Variants in DLG1 observed in about 807,000 individuals in gnomAD.
The protein encoded by DLG1 is disks large homolog 1.
Under a neutral mutation model 123.4 loss-of-function variants are expected in DLG1, and 42 were observed. The observed-to-expected ratio is 0.34, with a 90% CI of 0.27 to 0.44. The LOEUF (loss-of-function observed/expected upper bound fraction) is 0.44. Among genes scored for constraint, DLG1 ranks in the 20% least tolerant of loss-of-function variants. The pLI, the probability that DLG1 is intolerant of heterozygous loss-of-function variation, is 1.00. For missense variants in DLG1, 942 were observed against 1,082.6 expected, an observed-to-expected ratio of 0.87 and a Z score of 1.82; for synonymous variants, 317 against 356.2, an observed-to-expected ratio of 0.89 and a Z score of 1.24.
intron 4 of DLG1, among the ~76,000 whole-genome samples, chr3:197,211,198 C>CA (rs2150400545): frequency 6.8e-6 from 1 of 146,134 alleles, no homozygotes; most frequent in Admixed American, 6.9e-5. Flanking sequence ...GAAAACCCTA[C>CA]AGCTAACAGA....
chr3:197,072,544 A>G (rs1195688272), intron 18 of DLG1, among the ~76,000 whole-genome samples: 1 of 152,048 alleles, frequency 6.6e-6, no homozygotes, highest in Non-Finnish European at 1.5e-5. Flanking sequence ...TTATCTTCTG[A>G]GCACTCTTGC....
intron 4 of DLG1, among the ~76,000 whole-genome samples, chr3:197,250,275 GA>G (rs1405237308): frequency 6.6e-6 from 1 of 152,110 alleles, no homozygotes; most frequent in Non-Finnish European, 1.5e-5. Flanking sequence ...AATCTGAAAA[GA>G]AATTTAAAAA....
At chr3:197,262,832 G>A (rs1025394773) in intron 4 of DLG1, among the ~76,000 whole-genome samples, 5 of 151,980 alleles carry the variant, frequency 3.3e-5, no homozygotes, top group Non-Finnish European at 7.4e-5. Context: ...GAGAGCAGAG[G>A]GAAAAAATGG....
chr3:197,125,027 T>A (rs1046217883), intron 11 of DLG1, among the ~76,000 whole-genome samples: 3 of 152,130 alleles, frequency 2.0e-5, no homozygotes, highest in African/African-American at 7.2e-5. Context: ...GACCTGGTTT[T>A]CAACAGGAAC....
intron 5 of DLG1, among the ~76,000 whole-genome samples, chr3:197,164,136 A>G (rs1310420903): frequency 6.6e-6 from 1 of 152,038 alleles, no homozygotes; most frequent in Non-Finnish European, 1.5e-5. Context: ...TCACACCTGT[A>G]ATCTCAGCAC....
At chr3:197,198,402 G>A (rs942802856) in intron 4 of DLG1, among the ~76,000 whole-genome samples, 2 of 149,354 alleles carry the variant, frequency 1.3e-5, no homozygotes, top group Admixed American at 6.7e-5. Context: ...GCAGAGAATC[G>A]TTTGAAGCCG....
chr3:197,118,403 T>TTA (rs1774458536), intron 12 of DLG1, among the ~76,000 whole-genome samples: 1 of 152,168 alleles, frequency 6.6e-6, no homozygotes, highest in Non-Finnish European at 1.5e-5. Flanking sequence ...TTCTGCTAAT[T>TTA]TTCATCCCAA....
At position 197,067,708 on chromosome 3, in the gene DLG1, C is replaced by T. The variant is rs1740654754; in HGVS notation, c.2048-954G>A. 3.3e-5 allele frequency among the ~76,000 whole-genome samples: 5 copies of T among 152,038 alleles called. No individual in the cohort carries two copies. The South Asian group carries it at 1.0e-3, about 32-fold the overall frequency. ...AAGTAGCTGGGATTACAGGCATGTG[C>T]CATCATGCCCAGCTAATTTTGTATT... On this transcript the variant is annotated intron_variant, in intron 19 of 24. Coordinates refer to ENST00000667157, the MANE Select transcript of DLG1 (RefSeq NM_001366207.1).
At chr3:197,105,710 C>T (rs1765967338) in intron 13 of DLG1, among the ~76,000 whole-genome samples, 1 of 152,048 alleles carries the variant, frequency 6.6e-6, no homozygotes. Flanking sequence ...CGCATATATA[C>T]ATATATAGTG....
At chr3:197,110,725 C>T (rs760773319) in intron 13 of DLG1, among the ~76,000 whole-genome samples, 17 of 152,122 alleles carry the variant, frequency 1.1e-4, no homozygotes, top group Non-Finnish European at 1.8e-4. Flanking sequence ...TGTGTGGCCA[C>T]TGAGGTCTCT....
intron 4 of DLG1, among the ~76,000 whole-genome samples, chr3:197,204,127 G>A (rs1727299075): frequency 6.6e-6 from 1 of 152,202 alleles, no homozygotes; most frequent in Non-Finnish European, 1.5e-5. Context: ...TGCTCAGTCT[G>A]CTCCCATGTA....
chr3:197,226,365 G>T (rs950779871), intron 4 of DLG1: 1 of 152,088 alleles, frequency 6.6e-6, no homozygotes, highest in African/African-American at 2.4e-5. Context: ...GATACAACTC[G>T]AGCAGAGCCA....
At position 197,140,136 on chromosome 3, in the gene DLG1, A is replaced by C. The variant is rs755524196; in HGVS notation, c.713+4T>G. On this transcript the variant is annotated splice_donor_region_variant and intron_variant, in intron 8 of 24. Coordinates refer to ENST00000667157, the MANE Select transcript of DLG1 (RefSeq NM_001366207.1). ...AGCATCACAATAAAAAGCGCAAAAC[A>C]TACCGCAATCTTCCATCTTGGGCGG... is the stretch of plus-strand genomic sequence containing the variant. The C allele has an allele frequency of 6.2e-7, 1 of 1,612,570 alleles. No individual in the cohort carries two copies. Among genetic ancestry groups the C allele is most frequent in the South Asian group, 1.1e-5 (1 of 90,786 alleles).
At chr3:197,114,992 A>G (rs1288973656) in intron 13 of DLG1, among the ~76,000 whole-genome samples, 4 of 115,744 alleles carry the variant, frequency 3.5e-5, no homozygotes, top group Non-Finnish European at 8.1e-5. Context: ...TCAAGGAAAA[A>G]AAAAAAAAAA....
At chr3:197,103,900 G>A (rs1055447941) in intron 14 of DLG1, among the ~76,000 whole-genome samples, 3 of 151,832 alleles carry the variant, frequency 2.0e-5, no homozygotes, top group African/African-American at 7.3e-5. Context: ...GGGTATTTAA[G>A]CTTTCTAAAT....
At chr3:197,272,359 A>G (rs1764282143) in intron 4 of DLG1, among the ~76,000 whole-genome samples, 1 of 152,136 alleles carries the variant, frequency 6.6e-6, no homozygotes, top group African/African-American at 2.4e-5. Flanking sequence ...TAAGGAAAAA[A>G]AAAAGAAAAA....
intron 12 of DLG1, among the ~76,000 whole-genome samples, chr3:197,119,086 G>A (rs963134963): frequency 2.0e-5 from 3 of 152,074 alleles, no homozygotes; most frequent in South Asian, 2.1e-4. Context: ...TATTAGATAA[G>A]GAACATATAA....
intron 1 of DLG1, chr3:197,297,760 T>TGCACACCTCCGCGGGCCC (rs1423070566): frequency 1.0e-4 from 103 of 986,216 alleles, no homozygotes; most frequent in Middle Eastern, 5.2e-4. Context: ...GCGCCCCGCA[T>TGCACACCTCCGCGGGCCC]GCACACCTCC....
chr3:197,125,588 T>C (rs576422985), intron 11 of DLG1, among the ~76,000 whole-genome samples: 1 of 152,206 alleles, frequency 6.6e-6, no homozygotes, highest in Non-Finnish European at 1.5e-5. Flanking sequence ...CTGAGGGTTG[T>C]AGTCACACAA....
Sources: gnomAD v4.1 joint callset for allele counts (sites outside exome capture counted in the v4.1 genomes callset) on GRCh38, gnomAD v4.1.1 for gene constraint, MANE v1.5 for transcripts, NCBI Gene and HGNC (gene_info 2026-07-23, HGNC 2026-07-21) for gene names.